Variants in PTPN3 observed in about 807,000 individuals in gnomAD.
PTPN3 encodes the protein tyrosine-protein phosphatase non-receptor type 3.
In PTPN3, 96 loss-of-function variants were observed where a neutral mutation model predicts 132.7. That is an observed-to-expected ratio of 0.72 (90% CI 0.61 to 0.86). The LOEUF is 0.86. Among genes scored for constraint, PTPN3 ranks in the 40% least tolerant of loss-of-function variants. The probability of loss-of-function intolerance (pLI) is 0.00; values close to 1 mark genes in which losing one functional copy is unlikely to be tolerated. For synonymous variants in PTPN3, 398 were observed against 429.0 expected, an observed-to-expected ratio of 0.93 and a Z score of 0.89; for missense variants, 1,125 against 1,159.6, an observed-to-expected ratio of 0.97 and a Z score of 0.43.
chr9:109,418,934 C>G (rs1361969352), intron 14 of PTPN3, among the ~76,000 whole-genome samples: 1 of 152,154 alleles, frequency 6.6e-6, no homozygotes, highest in Non-Finnish European at 1.5e-5. Context: ...ACCGTTTTCT[C>G]CTTTTGCCAA....
At chr9:109,500,843 C>G (rs994445311), upstream of PTPN3, among the ~76,000 whole-genome samples, 6 of 150,158 alleles carry the variant, frequency 4.0e-5, no homozygotes, top group South Asian at 2.1e-4. Flanking sequence ...GGGAGGATCT[C>G]TTGAGCCAGG....
At position 109,382,384 on chromosome 9, in the gene PTPN3, C is replaced by G. The variant is rs769685005; in HGVS notation, c.2446G>C (p.Asp816His). Residue 816 changes from aspartate to histidine, a missense_variant, in exon 24 of 26, where the codon GAT becomes CAT. Coordinates refer to ENST00000374541, the MANE Select transcript of PTPN3 (RefSeq NM_002829.4). ...YVAWPDHGVP[D>H]DSSDFLEFVN... is the part of the protein sequence containing the mutation. ...AATTCCAGAAAGTCGGAGGAGTCAT[C>G]GGGCACACCGTGGTCAGGCCATGCG... 1 of 1,614,116 alleles carries G rather than the reference C, an allele frequency of 6.2e-7. No homozygotes were observed. The highest frequency in any genetic ancestry group is 8.5e-7 in the Non-Finnish European group (1 of 1,179,964).
In PTPN3 at chr9:109,389,315, G is replaced by T; in HGVS notation, c.2171C>A (p.Thr724Asn). ...GACAACCTGCCAAAACTGTGCACAG[G>T]TATGCGGCAGGGGCCCCTGAGTGGC... ...YIATQGPLPH[T>N]CAQFWQVVWD... is the part of the protein sequence containing the mutation. The change falls in exon 22 of 26, where the codon ACC (threonine) becomes AAC (asparagine). Residue 724 changes from threonine to asparagine, a missense_variant. Thr to Asn is a moderately conservative substitution (Grantham distance 65). Transcript: ENST00000374541. 1.2e-6 allele frequency: 2 copies of T among 1,614,178 alleles called. No homozygotes were observed. Among genetic ancestry groups the T allele is most frequent in the South Asian group, 1.1e-5 (1 of 91,072 alleles).
the PTPN3 span, among the ~76,000 whole-genome samples, chr9:109,510,636 T>C: frequency 7.1e-6 from 1 of 140,592 alleles, no homozygotes; most frequent in African/African-American, 2.6e-5. Context: ...GATTATGAAA[T>C]AGTATGTCTC....
At position 109,375,753 on chromosome 9, in the gene PTPN3, T is replaced by C. The variant is rs1588267892; in HGVS notation, c.*3803A>G. The C allele has an allele frequency of 6.6e-6, 1 of 152,266 alleles. No individual in the cohort carries two copies. The highest frequency in any genetic ancestry group is 1.9e-4 in the East Asian group (1 of 5,206). The allele number at this position is 152,266 out of a possible 1,614,324, so 9.4% of individuals were successfully genotyped here. The stretch of plus-strand genomic sequence containing the variant: ...TTAAATTGTTTTTCAGTAGAATCAC[T>C]GACAGAACAGGTCAGAATGAAAAAC... On this transcript the variant is annotated 3_prime_UTR_variant, in exon 26 of 26. Transcript: ENST00000374541.
At chr9:109,461,173 T>C (rs919041122) in intron 2 of PTPN3, among the ~76,000 whole-genome samples, 2 of 152,192 alleles carry the variant, frequency 1.3e-5, no homozygotes, top group African/African-American at 4.8e-5. Context: ...ACCAAACTAG[T>C]TGCCTTTTAA....
intron 23 of PTPN3, among the ~76,000 whole-genome samples, 187 bp from the exon 24 acceptor site, chr9:109,382,634 G>A (rs980603894): frequency 6.6e-6 from 1 of 151,918 alleles, no homozygotes; most frequent in Non-Finnish European, 1.5e-5. Context: ...GCTCAGCTGT[G>A]GGCCTGTCCT....
intron 5 of PTPN3, chr9:109,449,298 G>T: frequency 3.0e-6 from 3 of 989,552 alleles, no homozygotes; most frequent in Non-Finnish European, 3.6e-6. Context: ...AGCTCCATCT[G>T]CATGAAGTTG....
At chr9:109,409,006 G>C (rs1014111060) in intron 16 of PTPN3, among the ~76,000 whole-genome samples, 9 of 151,432 alleles carry the variant, frequency 5.9e-5, no homozygotes, top group African/African-American at 1.7e-4. Flanking sequence ...ATGGCAGCTG[G>C]GGGGTAGGCG....
At chr9:109,528,061 C>A in the PTPN3 span, among the ~76,000 whole-genome samples, 2 of 152,142 alleles carry the variant, frequency 1.3e-5, no homozygotes, top group South Asian at 2.1e-4. Context: ...CACATGATAT[C>A]TCCCCCATCA....
chr9:109,406,003 C>A (rs983471919), intron 18 of PTPN3, among the ~76,000 whole-genome samples: 3 of 152,220 alleles, frequency 2.0e-5, no homozygotes, highest in Admixed American at 6.5e-5. Context: ...GGTCCCCCAG[C>A]CCGCAGAGGC....
chr9:109,507,821 A>T, the PTPN3 span, among the ~76,000 whole-genome samples: 1 of 151,634 alleles, frequency 6.6e-6, no homozygotes, highest in African/African-American at 2.4e-5. Context: ...CATCCATAAC[A>T]CTCTTCTTCA....
chr9:109,406,189 A>G (rs1034341046), intron 18 of PTPN3, among the ~76,000 whole-genome samples: 1 of 152,146 alleles, frequency 6.6e-6, no homozygotes, highest in Non-Finnish European at 1.5e-5. Context: ...TGGGCCTGGG[A>G]GGAACTGGGA....
At chr9:109,461,774 A>T (rs75319861) in intron 2 of PTPN3, among the ~76,000 whole-genome samples, 1 of 147,052 alleles carries the variant, frequency 6.8e-6, no homozygotes, top group Non-Finnish European at 1.5e-5. Flanking sequence ...AAAAAAAAAA[A>T]TTAGTTATTC....
Position 109,379,626 on chromosome 9 carries a change from T to A in PTPN3, c.2672A>T (p.Tyr891Phe). Residue 891 changes from tyrosine (Y) to phenylalanine (F), a missense_variant, in exon 26 of 26, where the codon TAC becomes TTC. Coordinates refer to ENST00000374541, the MANE Select transcript of PTPN3 (RefSeq NM_002829.4). ...RAMMVQTSSQ[Y>F]KFVCEAILRV... ...AAGAATCGCTTCACACACAAACTTG[T>A]ACTGGCTCTGGAAAAGAAAAAAATG... The A allele has an allele frequency of 6.2e-7, 1 of 1,613,992 alleles. No homozygotes were observed. Among genetic ancestry groups the A allele is most frequent in the Non-Finnish European group, 8.5e-7 (1 of 1,179,838 alleles).
At chr9:109,472,582 T>C (rs1391518526) in intron 1 of PTPN3, among the ~76,000 whole-genome samples, 2 of 152,234 alleles carry the variant, frequency 1.3e-5, no homozygotes, top group Non-Finnish European at 2.9e-5. Flanking sequence ...CCTTTATTAG[T>C]TTTAAAATAA....
At position 109,376,390 on chromosome 9, in the gene PTPN3, A is replaced by G. The variant is rs1449397911; in HGVS notation, c.*3166T>C. ...CCCCCCAGAAAAAGGTCAGGTAGCA[A>G]CACAGCAGCAATAGTATCCACACTA... On this transcript the variant is annotated 3_prime_UTR_variant, in exon 26 of 26. Transcript: ENST00000374541. 1 of 152,182 alleles carries G rather than the reference A, an allele frequency of 6.6e-6. No homozygotes were observed. The highest frequency in any genetic ancestry group is 2.4e-5 in the African/African-American group (1 of 41,434). The allele number at this position is 152,182 out of a possible 1,614,324, so 9.4% of individuals were successfully genotyped here.
chr9:109,479,553 G>A (rs911801635), intron 1 of PTPN3, among the ~76,000 whole-genome samples: 3 of 152,188 alleles, frequency 2.0e-5, no homozygotes, highest in Non-Finnish European at 4.4e-5. Context: ...AGGATTGCTG[G>A]GTCACATGGT....
At chr9:109,490,555 C>T (rs562517287) in intron 1 of PTPN3, among the ~76,000 whole-genome samples, 5 of 152,034 alleles carry the variant, frequency 3.3e-5, no homozygotes, top group Non-Finnish European at 2.9e-5. Flanking sequence ...CTGACCAACA[C>T]GGAGAAATCC....
Sources: allele counts gnomAD v4.1 joint callset (sites outside exome capture counted in the v4.1 genomes callset), GRCh38; gene constraint gnomAD v4.1.1; transcripts MANE v1.5; gene names NCBI Gene and HGNC (gene_info 2026-07-23, HGNC 2026-07-21).